FGD4: variants seen among roughly 807,000 people sequenced by gnomAD.
FGD4 encodes the protein FYVE, RhoGEF and PH domain-containing protein 4.
In FGD4, 42 loss-of-function variants were observed where a neutral mutation model predicts 102.0. The ratio of observed to expected loss-of-function variants is 0.41; its 90% CI spans 0.32 to 0.53. FGD4 has a LOEUF of 0.53. Among genes scored for constraint, FGD4 ranks in the 20% least tolerant of loss-of-function variants. The pLI is 0.21. For missense variants in FGD4, 902 were observed against 1,078.2 expected (o/e 0.84, Z 2.29); for synonymous variants, 380 against 375.7 (o/e 1.01, Z -0.13).
chr12:32,620,564 T>A lies in FGD4; in HGVS notation c.1922+694T>A, dbSNP rs537752923. On this transcript the variant is annotated intron_variant, in intron 11 of 16. Coordinates refer to ENST00000534526, the MANE Select transcript of FGD4 (RefSeq NM_001370298.3). ...TTTTTGAGATGGAGTTTCGCTCTCA[T>A]TGGCCAGACTGGAGGGCAATGGTGC... Among the ~76,000 whole-genome samples, 34 of 141,186 alleles carry A rather than the reference T, an allele frequency of 2.4e-4. No individual in the cohort carries two copies. The Admixed American group carries it at 2.5e-3, about 11-fold the overall frequency. 92.6% of individuals were successfully genotyped at this position (141,186 alleles called of 152,430 possible).
At chr12:32,477,646 T>A (rs967088028) in intron 1 of FGD4, among the ~76,000 whole-genome samples, 6 of 152,266 alleles carry the variant, frequency 3.9e-5, no homozygotes, top group African/African-American at 4.8e-5. Flanking sequence ...GTATTTTTTT[T>A]AAAATAAAGC....
rs549797170 is a variant in FGD4, at chr12:32,613,479, ACAGTGGCT to A, written c.1749+2199_1749+2206del. ...ATAAGACATCAGTTTGAGGCCAGGC[ACAGTGGCT>A]CATACCTCTAATACCAGCACTTTGG... On this transcript the variant is annotated intron_variant, in intron 10 of 16. Coordinates refer to ENST00000534526, the MANE Select transcript of FGD4 (RefSeq NM_001370298.3). 2.4e-3 allele frequency among the ~76,000 whole-genome samples: 360 copies of A among 152,356 alleles called. 2 individuals carry two copies. Among genetic ancestry groups the A allele is most frequent in the African/African-American group, 8.1e-3 (337 of 41,592 alleles).
intron 1 of FGD4, among the ~76,000 whole-genome samples, chr12:32,406,117 A>G (rs932491787): frequency 4.0e-5 from 6 of 151,708 alleles, no homozygotes; most frequent in African/African-American, 1.2e-4. Context: ...CTAATTTTGT[A>G]TTTTTAGTAA....
chr12:32,505,671 G>A (rs1329294891), intron 1 of FGD4, among the ~76,000 whole-genome samples: 1 of 152,150 alleles, frequency 6.6e-6, no homozygotes, highest in East Asian at 1.9e-4. Context: ...ACATGAGGGC[G>A]CCTAGCATAC....
chr12:32,439,953 T>C (rs577424260), intron 1 of FGD4, among the ~76,000 whole-genome samples: 6 of 152,330 alleles, frequency 3.9e-5, no homozygotes, highest in South Asian at 4.1e-4. Flanking sequence ...AAGACCCTGA[T>C]GCCAATTACA....
At chr12:32,560,242 C>T (rs1944429053) in intron 1 of FGD4, among the ~76,000 whole-genome samples, 1 of 152,138 alleles carries the variant, frequency 6.6e-6, no homozygotes, top group Non-Finnish European at 1.5e-5. Context: ...TGTATTTCTT[C>T]TGTTTATAAT....
chr12:32,480,328 A>AT (rs1412936848), intron 1 of FGD4, among the ~76,000 whole-genome samples: 4 of 150,834 alleles, frequency 2.7e-5, no homozygotes, highest in South Asian at 2.1e-4. Context: ...TGCCCAGCTA[A>AT]TTTTTTTGTA....
At chr12:32,540,115 A>C (rs1042554503) in intron 1 of FGD4, among the ~76,000 whole-genome samples, 2 of 152,194 alleles carry the variant, frequency 1.3e-5, no homozygotes, top group Non-Finnish European at 2.9e-5. Context: ...GAATGGTAAC[A>C]AGTCATGCTT....
intron 1 of FGD4, among the ~76,000 whole-genome samples, chr12:32,400,818 C>T (rs1244621302): frequency 1.3e-5 from 2 of 152,162 alleles, no homozygotes; most frequent in East Asian, 3.8e-4. Flanking sequence ...ATTCTAATTA[C>T]TTTCACGCAT....
chr12:32,480,155 G>GTT (rs369473990), intron 1 of FGD4, among the ~76,000 whole-genome samples: 5,631 of 148,558 alleles, frequency 0.038, 171 homozygotes, highest in Middle Eastern at 0.14. Context: ...TGTTTGTGGG[G>GTT]GTTTTTTTTG....
intron 1 of FGD4, among the ~76,000 whole-genome samples, chr12:32,520,461 AGTCTC>A (rs754483984): frequency 3.0e-5 from 4 of 135,076 alleles, no homozygotes; most frequent in Non-Finnish European, 6.3e-5. Context: ...TTAGAGATGG[AGTCTC>A]GCTCTGTCGC....
chr12:32,416,609 CTGAT>C (rs1486385593), intron 1 of FGD4, among the ~76,000 whole-genome samples: 1 of 152,130 alleles, frequency 6.6e-6, no homozygotes, highest in Non-Finnish European at 1.5e-5. Context: ...GATGACAACA[CTGAT>C]TGCAGAAATA....
Position 32,556,243 on chromosome 12 carries a change from G to A in FGD4, c.167-7894G>A, listed in dbSNP as rs187008554. ...TTTTCCTTGGTTAAACAAGGGGTAT[G>A]CTTTAAAATTTTTTTTAATTTTAAT... On this transcript the variant is annotated intron_variant, in intron 1 of 16. Coordinates refer to ENST00000534526, the MANE Select transcript of FGD4 (RefSeq NM_001370298.3). 3.9e-3 allele frequency among the ~76,000 whole-genome samples: 593 copies of A among 152,154 alleles called. 7 individuals are homozygous for A. The highest frequency in any genetic ancestry group is 0.014 in the African/African-American group (564 of 41,518).
chr12:32,565,232 G>C (rs1450190365), intron 2 of FGD4, among the ~76,000 whole-genome samples: 2 of 152,136 alleles, frequency 1.3e-5, no homozygotes, highest in African/African-American at 4.8e-5. Flanking sequence ...GAAAATTTTA[G>C]AACGAGTTTA....
At chr12:32,520,404 C>G (rs546506442) in intron 1 of FGD4, among the ~76,000 whole-genome samples, 1 of 148,472 alleles carries the variant, frequency 6.7e-6, no homozygotes, top group East Asian at 1.9e-4. Flanking sequence ...CTACCTTGCC[C>G]TATTTTAAGT....
intron 3 of FGD4, among the ~76,000 whole-genome samples, chr12:32,581,269 A>G (rs533425766): frequency 6.6e-6 from 1 of 152,334 alleles, no homozygotes; most frequent in East Asian, 1.9e-4. Flanking sequence ...TAATGAGGCC[A>G]TGCACTTTGG....
rs1951138526 is a variant in FGD4, at chr12:32,641,182, T to C, written c.*649T>C. On this transcript the variant is annotated 3_prime_UTR_variant, in exon 17 of 17. Transcript: ENST00000534526. ...TAAATATATATATTATACATGCTTT[T>C]AGGTTCACATTCATCTCTAATTTAT... The C allele has an allele frequency of 6.6e-6, 1 of 152,088 alleles. No individual in the cohort carries two copies. Among genetic ancestry groups the C allele is most frequent in the South Asian group, 2.1e-4 (1 of 4,834 alleles). The allele number at this position is 152,088 out of a possible 1,614,324, so 9.4% of individuals were successfully genotyped here. A position where few individuals can be genotyped will look rare whatever the true frequency, so the allele number is the denominator to read the frequency against.
intron 1 of FGD4, among the ~76,000 whole-genome samples, chr12:32,513,139 CAG>C (rs1939559094): frequency 6.6e-6 from 1 of 152,202 alleles, no homozygotes; most frequent in South Asian, 2.1e-4. Context: ...TGTGATTGCG[CAG>C]AGAGAAGGGA....
chr12:32,615,747 T>C (rs969703270), intron 10 of FGD4, among the ~76,000 whole-genome samples: 4 of 151,942 alleles, frequency 2.6e-5, no homozygotes, highest in Non-Finnish European at 5.9e-5. Context: ...AGAGCCTTTA[T>C]TGTGGTTTCT....
Sources: gnomAD v4.1 joint callset for allele counts (sites outside exome capture counted in the v4.1 genomes callset) on GRCh38, gnomAD v4.1.1 for gene constraint, MANE v1.5 for transcripts, NCBI Gene and HGNC (gene_info 2026-07-23, HGNC 2026-07-21) for gene names.